Variants in SAMD5 observed in about 807,000 individuals in gnomAD.
SAMD5 encodes the protein sterile alpha motif domain containing 5, also known as sterile alpha motif domain-containing protein 5.
In SAMD5, 13 loss-of-function variants were observed where a neutral mutation model predicts 11.3. That is an observed-to-expected ratio of 1.15 (90% CI 0.75 to 1.83). SAMD5 has a LOEUF of 1.83. Among genes scored for constraint, SAMD5 ranks in the 40% most tolerant of loss-of-function variants. SAMD5 has a pLI of 0.00. For missense variants in SAMD5, 255 were observed against 239.1 expected, an observed-to-expected ratio of 1.07 and a Z score of -0.44; for synonymous variants, 129 against 111.3, an observed-to-expected ratio of 1.16 and a Z score of -1.00.
At position 147,620,455 on chromosome 6, in the gene SAMD5, C is replaced by T. The variant is rs541411778; in HGVS notation, c.162+111068C>T. On this transcript the variant is annotated intron_variant, in intron 1 of 1. Coordinates refer to the SAMD5 transcript ENST00000566741. Reference sequence around the variant, plus strand: ...ATGCCTGTAACCTGTATTTATTGTGCACCAATTATGTGCAAAGCCTGGGCA... The same window carrying T: ...ATGCCTGTAACCTGTATTTATTGTGTACCAATTATGTGCAAAGCCTGGGCA... 2.6e-5 allele frequency among the ~76,000 whole-genome samples: 4 copies of T among 152,316 alleles called. No individual in the cohort carries two copies. In the South Asian group the frequency reaches 8.3e-4, roughly 32 times the overall value.
chr6:147,612,446 A>G (rs571300991), intron 1 of SAMD5, among the ~76,000 whole-genome samples: 100 of 152,302 alleles, frequency 6.6e-4, no homozygotes, highest in Middle Eastern at 3.4e-3. Flanking sequence ...TTTAAAAACC[A>G]AAACCTAATT....
At chr6:147,744,107 A>G in the SAMD5 span, among the ~76,000 whole-genome samples, 1 of 152,236 alleles carries the variant, frequency 6.6e-6, no homozygotes, top group Non-Finnish European at 1.5e-5. Context: ...GCTGTACAGC[A>G]CTGACTGCAA....
the SAMD5 span, among the ~76,000 whole-genome samples, chr6:147,845,756 C>T: frequency 1.3e-5 from 2 of 152,010 alleles, no homozygotes; most frequent in African/African-American, 2.4e-5. Context: ...GAGGGGAAAC[C>T]GGATTACTCA....
chr6:147,541,434 G>T (rs974238865), intron 1 of SAMD5, among the ~76,000 whole-genome samples: 18 of 152,148 alleles, frequency 1.2e-4, no homozygotes, highest in African/African-American at 4.3e-4. Flanking sequence ...GTATTAACCT[G>T]GCAAAGCTCA....
At chr6:147,815,386 G>A in the SAMD5 span, among the ~76,000 whole-genome samples, 3 of 152,308 alleles carry the variant, frequency 2.0e-5, no homozygotes, top group Admixed American at 1.3e-4. Context: ...CTCTGTTGTC[G>A]AAGAGCAGAA....
At chr6:147,918,665 A>C in the SAMD5 span, among the ~76,000 whole-genome samples, 2 of 151,186 alleles carry the variant, frequency 1.3e-5, no homozygotes, top group Non-Finnish European at 2.9e-5. Context: ...ATACAAAATC[A>C]ATGTGCAAAA....
rs1442337217 is a variant in SAMD5 at position 147,568,702 on chromosome 6, T to C, written c.*4246T>C. 3.0e-6 allele frequency: 3 copies of C among 985,086 alleles called. No individual in the cohort carries two copies. In the African/African-American group the frequency reaches 5.2e-5, roughly 17 times the overall value. The allele number at this position is 985,086 out of a possible 1,614,324, so 61.0% of individuals were successfully genotyped here. ...AGCAAATCTATTAGGCTTTCTCTTT[T>C]AGAGTTTTCTAATTTTACTCTTATT... is the stretch of plus-strand genomic sequence containing the variant. On this transcript the variant is annotated 3_prime_UTR_variant, in exon 2 of 2. Transcript: ENST00000367474.
At chr6:147,792,365 T>C in the SAMD5 span, among the ~76,000 whole-genome samples, 1 of 151,996 alleles carries the variant, frequency 6.6e-6, no homozygotes. Flanking sequence ...TTTGCTGGAG[T>C]AAGAGGTTAC....
the SAMD5 span, among the ~76,000 whole-genome samples, chr6:147,846,574 C>T: frequency 6.6e-6 from 1 of 152,196 alleles, no homozygotes; most frequent in Non-Finnish European, 1.5e-5. Context: ...GCTCCCAGCA[C>T]TTGGAGAGGC....
chr6:147,601,601 G>A (rs1004295781), intron 1 of SAMD5, among the ~76,000 whole-genome samples: 2 of 152,144 alleles, frequency 1.3e-5, no homozygotes, highest in African/African-American at 2.4e-5. Flanking sequence ...TGTACACGTC[G>A]TTTGAAGATA....
At chr6:147,911,142 T>A in the SAMD5 span, among the ~76,000 whole-genome samples, 1 of 152,208 alleles carries the variant, frequency 6.6e-6, no homozygotes, top group Admixed American at 6.5e-5. Context: ...GATAAAATTG[T>A]GGAATGTTTT....
chr6:147,724,134 TA>T (rs1791593181), intron 1 of SAMD5, among the ~76,000 whole-genome samples: 1 of 152,076 alleles, frequency 6.6e-6, no homozygotes, highest in Non-Finnish European at 1.5e-5. Flanking sequence ...GAAAAAAATA[TA>T]TATATTTTTT....
rs702343 is a variant in SAMD5 at position 147,565,456 on chromosome 6, T to C, written c.*1000T>C. On this transcript the variant is annotated 3_prime_UTR_variant, in exon 2 of 2. Coordinates refer to ENST00000367474, the MANE Select transcript of SAMD5 (RefSeq NM_001030060.3). ...TCGTCTTATCGTTCTTGTGTTTGGA[T>C]GCTGGTAGTTTTTTTTTTTTTAGAC... The C allele has an allele frequency of 0.041, 39,709 of 961,422 alleles. 1,605 individuals carry two copies. Among genetic ancestry groups the C allele is most frequent in the African/African-American group, 0.22 (11,127 of 51,494 alleles). 59.6% of individuals were successfully genotyped at this position (961,422 alleles called of 1,614,324 possible).
chr6:147,685,990 G>A (rs188679933), intron 1 of SAMD5, among the ~76,000 whole-genome samples: 86 of 152,240 alleles, frequency 5.6e-4, no homozygotes, highest in African/African-American at 1.6e-3. Flanking sequence ...TTAATACACC[G>A]TGGCAACTGA....
chr6:147,581,335 C>T (rs1402899882), intron 1 of SAMD5, among the ~76,000 whole-genome samples: 2 of 152,122 alleles, frequency 1.3e-5, no homozygotes, highest in Non-Finnish European at 2.9e-5. Context: ...TTGGAAGTTA[C>T]CTATATGTGT....
chr6:147,767,698 A>G, the SAMD5 span, among the ~76,000 whole-genome samples: 14 of 152,208 alleles, frequency 9.2e-5, no homozygotes, highest in Admixed American at 9.2e-4. Context: ...TGAATTTGCC[A>G]GTCTGCCATC....
chr6:147,876,147 G>C, the SAMD5 span, among the ~76,000 whole-genome samples: 2 of 152,158 alleles, frequency 1.3e-5, no homozygotes, highest in South Asian at 4.1e-4. Flanking sequence ...AAGCTCTGCT[G>C]TTGCCATCTT....
chr6:147,574,153 T>C (rs148645007), downstream of SAMD5, among the ~76,000 whole-genome samples: 1 of 151,528 alleles, frequency 6.6e-6, no homozygotes, highest in East Asian at 1.9e-4. Context: ...AAAACTTACA[T>C]TCATTACTCA....
intron 1 of SAMD5, among the ~76,000 whole-genome samples, chr6:147,725,273 G>GT (rs1791609052): frequency 6.6e-6 from 1 of 152,048 alleles, no homozygotes; most frequent in Non-Finnish European, 1.5e-5. Flanking sequence ...ATTGATGGTT[G>GT]TTATCCCAAC....
Sources: gnomAD v4.1 joint callset for allele counts (sites outside exome capture counted in the v4.1 genomes callset) on GRCh38, gnomAD v4.1.1 for gene constraint, MANE v1.5 for transcripts, NCBI Gene and HGNC (gene_info 2026-07-23, HGNC 2026-07-21) for gene names.